EPB41L4B: variants seen among roughly 807,000 people sequenced by gnomAD.
EPB41L4B encodes band 4.1-like protein 4B.
In EPB41L4B, 30 loss-of-function variants were observed where a neutral mutation model predicts 112.5. The observed-to-expected ratio is 0.27, with a 90% CI of 0.20 to 0.36. The LOEUF (loss-of-function observed/expected upper bound fraction) is 0.36. Among genes scored for constraint, EPB41L4B ranks in the 10% least tolerant of loss-of-function variants. The pLI is 1.00. For synonymous variants in EPB41L4B, 408 were observed against 439.7 expected, an observed-to-expected ratio of 0.93 and a Z score of 0.90; for missense variants, 1,024 against 1,133.3, an observed-to-expected ratio of 0.90 and a Z score of 1.38.
At chr9:109,192,834 C>T (rs1297643590) in intron 21 of EPB41L4B, among the ~76,000 whole-genome samples, 1 of 152,136 alleles carries the variant, frequency 6.6e-6, no homozygotes, top group African/African-American at 2.4e-5. Context: ...GCTCTGGGGT[C>T]TTAGCTGCAT....
intron 1 of EPB41L4B, among the ~76,000 whole-genome samples, chr9:109,307,443 T>C (rs544423172): frequency 3.3e-5 from 5 of 152,304 alleles, no homozygotes; most frequent in Admixed American, 6.5e-5. Context: ...GAGTGTCCCA[T>C]TGGATGTGTC....
chr9:109,192,626 G>A (rs562834140), intron 21 of EPB41L4B, among the ~76,000 whole-genome samples: 1 of 152,124 alleles, frequency 6.6e-6, no homozygotes, highest in African/African-American at 2.4e-5. Flanking sequence ...CTTTTCTACT[G>A]GTCTTTTGGG....
chr9:109,224,464 C>G (rs1833694650), intron 15 of EPB41L4B, among the ~76,000 whole-genome samples: 2 of 152,056 alleles, frequency 1.3e-5, no homozygotes, highest in South Asian at 4.2e-4. Context: ...TTATATTATT[C>G]CATTTATATA....
chr9:109,313,677 A>G (rs980783779), intron 1 of EPB41L4B, among the ~76,000 whole-genome samples: 3 of 152,206 alleles, frequency 2.0e-5, no homozygotes, highest in Admixed American at 1.3e-4. Flanking sequence ...GAGGGGCAGC[A>G]GGCAGCACAC....
At chr9:109,313,216 C>A (rs1258485405) in intron 1 of EPB41L4B, among the ~76,000 whole-genome samples, 1 of 152,262 alleles carries the variant, frequency 6.6e-6, no homozygotes, top group African/African-American at 2.4e-5. Context: ...ACACTCTTCT[C>A]TCTCCGATAC....
rs541056652 is a variant in EPB41L4B, at chr9:109,273,827, T to C, written c.412-5394A>G. The stretch of plus-strand genomic sequence containing the variant: ...CCAGCAGTTGTAACATAGATCCCCA[T>C]AGATCCCACTCTTAGCATTTATACT... On this transcript the variant is annotated intron_variant, in intron 2 of 25. Transcript: ENST00000374566. 4.6e-5 allele frequency among the ~76,000 whole-genome samples: 7 copies of C among 152,332 alleles called. No homozygotes were observed. In the South Asian group the frequency reaches 1.0e-3, roughly 23 times the overall value.
At chr9:109,291,402 C>A (rs1049074892) in intron 1 of EPB41L4B, among the ~76,000 whole-genome samples, 1 of 152,126 alleles carries the variant, frequency 6.6e-6, no homozygotes, top group Non-Finnish European at 1.5e-5. Context: ...ACAGATCTCA[C>A]GGTGGGGAGG....
chr9:109,200,484 T>C, intron 19 of EPB41L4B, 150 bp from the exon 20 acceptor site: 1 of 502,926 alleles, frequency 2.0e-6, no homozygotes, highest in Non-Finnish European at 3.5e-6. Flanking sequence ...CGTACTTAGT[T>C]CATAATTATA....
At chr9:109,230,869 C>A (rs979134773) in intron 15 of EPB41L4B, among the ~76,000 whole-genome samples, 1 of 152,050 alleles carries the variant, frequency 6.6e-6, no homozygotes, top group African/African-American at 2.4e-5. Flanking sequence ...CAGAAAAGGT[C>A]AAAATTGGCC....
intron 13 of EPB41L4B, among the ~76,000 whole-genome samples, chr9:109,250,690 CG>C: frequency 6.6e-6 from 1 of 152,274 alleles, no homozygotes; most frequent in South Asian, 2.1e-4. Context: ...TGATTCAATG[CG>C]CCTGGGGTGT....
intron 1 of EPB41L4B, among the ~76,000 whole-genome samples, chr9:109,318,099 T>C (rs1261191348): frequency 6.6e-6 from 1 of 152,110 alleles, no homozygotes; most frequent in Non-Finnish European, 1.5e-5. Context: ...AGAGCTCACG[T>C]GACACAAGCC....
At chr9:109,229,946 G>C (rs1370526255) in intron 15 of EPB41L4B, among the ~76,000 whole-genome samples, 1 of 152,100 alleles carries the variant, frequency 6.6e-6, no homozygotes, top group African/African-American at 2.4e-5. Flanking sequence ...CATTCGCCCG[G>C]AACTGTGGCT....
chr9:109,184,608 A>G (rs1357129366), intron 23 of EPB41L4B, among the ~76,000 whole-genome samples: 1 of 152,246 alleles, frequency 6.6e-6, no homozygotes, highest in Non-Finnish European at 1.5e-5. Flanking sequence ...AGAAAAATAG[A>G]TTTCAACAAT....
chr9:109,267,379 CAGA>C lies in EPB41L4B; in HGVS notation c.533+91_533+93del, dbSNP rs1018261264. 41 of 737,438 alleles carry C rather than the reference CAGA, an allele frequency of 5.6e-5. No homozygotes were observed. In the African/African-American group the frequency reaches 6.9e-4, roughly 12 times the overall value. 45.7% of individuals were successfully genotyped at this position (737,438 alleles called of 1,614,324 possible). A position where few individuals can be genotyped will look rare whatever the true frequency, so the allele number is the denominator to read the frequency against. ...CTCTTGCTGAGAAATAGACAGCAGA[CAGA>C]AGAAGAGGCAAACCCACAATTGAGA... On this transcript the variant is annotated intron_variant, in intron 4 of 25. Transcript: ENST00000374566.
chr9:109,258,253 C>A lies in EPB41L4B; in HGVS notation c.676G>T (p.Val226Leu), dbSNP rs748331914. 6.2e-7 allele frequency: 1 copy of A among 1,614,050 alleles called. No individual in the cohort carries two copies. The highest frequency in any genetic ancestry group is 8.5e-7 in the Non-Finnish European group (1 of 1,179,890). ...CELPEHTPEL[V>L]SEFRFIPNQT... ...TTTGGAATGAACCGAAACTCAGACA[C>A]AAGCTCTGGTGTGTGTTCTGGAAGC... is the stretch of plus-strand genomic sequence containing the variant. Residue 226 changes from valine (V) to leucine (L), a missense_variant, in exon 7 of 26, where the codon GTG (valine) becomes TTG (leucine). Physicochemically the swap from Val to Leu is conservative, Grantham distance 32 (BLOSUM62 1). Coordinates refer to ENST00000374566, the MANE Select transcript of EPB41L4B (RefSeq NM_019114.5).
At chr9:109,203,918 A>G (rs1832912995) in intron 18 of EPB41L4B, among the ~76,000 whole-genome samples, 188 bp from the exon 19 acceptor site, 1 of 152,222 alleles carries the variant, frequency 6.6e-6, no homozygotes, top group South Asian at 2.1e-4. Context: ...TGTTTTCTTG[A>G]GTAATAGGAT....
chr9:109,206,892 G>A (rs1416751324), intron 18 of EPB41L4B, among the ~76,000 whole-genome samples: 1 of 152,236 alleles, frequency 6.6e-6, no homozygotes, highest in African/African-American at 2.4e-5. Flanking sequence ...AGTCACCCCA[G>A]CCTTGCTGCT....
At chr9:109,195,802 T>A (rs1832621355) in intron 20 of EPB41L4B, among the ~76,000 whole-genome samples, 1 of 152,146 alleles carries the variant, frequency 6.6e-6, no homozygotes, top group Non-Finnish European at 1.5e-5. Context: ...CAGAAGGGAG[T>A]CAACTGACAC....
At chr9:109,311,445 G>A (rs1837409466) in intron 1 of EPB41L4B, among the ~76,000 whole-genome samples, 1 of 152,158 alleles carries the variant, frequency 6.6e-6, no homozygotes, top group Admixed American at 6.5e-5. Context: ...CAGCTGCAGG[G>A]TAGACCATTC....
Sources: allele counts gnomAD v4.1 joint callset (sites outside exome capture counted in the v4.1 genomes callset), GRCh38; gene constraint gnomAD v4.1.1; transcripts MANE v1.5; gene names NCBI Gene and HGNC (gene_info 2026-07-23, HGNC 2026-07-21).